The following RBFOX1 variants were observed in gnomAD, a reference collection of about 807,000 sequenced individuals.
The protein encoded by RBFOX1 is RNA binding protein fox-1 homolog 1.
Under a neutral mutation model 57.7 loss-of-function variants are expected in RBFOX1, and 8 were observed. That is an observed-to-expected ratio of 0.14 (90% CI 0.08 to 0.25). The LOEUF (loss-of-function observed/expected upper bound fraction) is 0.25. Ranked by LOEUF, RBFOX1 falls within the 10% of genes least tolerant of loss-of-function variation. The pLI, the probability that RBFOX1 is intolerant of heterozygous loss-of-function variation, is 1.00. For missense variants in RBFOX1, 611 were observed against 548.5 expected, an observed-to-expected ratio of 1.11 and a Z score of -1.14; for synonymous variants, 326 against 222.4, an observed-to-expected ratio of 1.47 and a Z score of -4.15.
intron 3 of RBFOX1, among the ~76,000 whole-genome samples, chr16:7,022,920 C>T (rs192090386): frequency 5.1e-4 from 77 of 152,312 alleles, no homozygotes; most frequent in Non-Finnish European, 8.7e-4. Context: ...CATTGTCTCA[C>T]TCTTGAGTCT....
intron 1 of RBFOX1, among the ~76,000 whole-genome samples, chr16:5,356,406 TC>T (rs2065390583): frequency 6.6e-6 from 1 of 152,218 alleles, no homozygotes; most frequent in African/African-American, 2.4e-5. Flanking sequence ...GACTAAACTT[TC>T]TTCGTGACTC....
intron 4 of RBFOX1, among the ~76,000 whole-genome samples, chr16:5,898,105 CCTT>C (rs1478580419): frequency 6.6e-6 from 1 of 152,084 alleles, no homozygotes; most frequent in Non-Finnish European, 1.5e-5. Flanking sequence ...GCAAACCTGT[CCTT>C]CTTCACATGA....
At chr16:5,455,901 G>C (rs2068616748) in intron 1 of RBFOX1, among the ~76,000 whole-genome samples, 1 of 152,032 alleles carries the variant, frequency 6.6e-6, no homozygotes, top group Non-Finnish European at 1.5e-5. Context: ...TTCACGTTGG[G>C]GTGGCAATTC....
At chr16:5,610,060 T>A (rs11644106) in intron 3 of RBFOX1, among the ~76,000 whole-genome samples, 101,892 of 152,012 alleles carry the variant, frequency 0.67, 38,618 homozygotes, top group Non-Finnish European at 0.86. Flanking sequence ...AGCACCACCC[T>A]CTGACATCCA....
At chr16:7,015,560 G>C (rs2093869408) in intron 3 of RBFOX1, among the ~76,000 whole-genome samples, 2 of 152,172 alleles carry the variant, frequency 1.3e-5, no homozygotes, top group Non-Finnish European at 2.9e-5. Context: ...GCTTTGGATA[G>C]AAGGTTGTTC....
chr16:6,792,749 G>A (rs1191501919), intron 3 of RBFOX1, among the ~76,000 whole-genome samples: 2 of 152,122 alleles, frequency 1.3e-5, no homozygotes, highest in African/African-American at 4.8e-5. Context: ...TAGAAGTGAT[G>A]GGCCGGCATG....
intron 3 of RBFOX1, among the ~76,000 whole-genome samples, chr16:5,620,345 A>G (rs907334054): frequency 2.0e-5 from 3 of 152,038 alleles, no homozygotes; most frequent in African/African-American, 4.8e-5. Context: ...GAGACATCAC[A>G]TTGTTGCCTC....
At chr16:6,658,107 A>T (rs1293087197) in intron 3 of RBFOX1, among the ~76,000 whole-genome samples, 1 of 152,108 alleles carries the variant, frequency 6.6e-6, no homozygotes, top group South Asian at 2.1e-4. Flanking sequence ...GGCCTCTCCA[A>T]ATTGTGCCTC....
intron 3 of RBFOX1, among the ~76,000 whole-genome samples, chr16:6,922,142 C>A (rs930064171): frequency 6.6e-6 from 1 of 152,080 alleles, no homozygotes; most frequent in African/African-American, 2.4e-5. Context: ...TTCAGGAGCA[C>A]CTTACACACA....
rs540980653 is a variant in RBFOX1, at chr16:6,229,144, T to A, written c.-126-87851T>A. 2.0e-5 allele frequency among the ~76,000 whole-genome samples: 3 copies of A among 152,214 alleles called. No individual in the cohort carries two copies. In the East Asian group the frequency reaches 5.8e-4, roughly 29 times the overall value. On this transcript the variant is annotated intron_variant, in intron 1 of 15. Coordinates refer to ENST00000550418, the MANE Select transcript of RBFOX1 (RefSeq NM_018723.4). The stretch of plus-strand genomic sequence containing the variant: ...TGAGACGTAGTTAAGATAAATGACA[T>A]CTCCTTACCTTTTACCCCCCGAGAC...
rs185302577 is a variant in RBFOX1 at position 5,842,850 on chromosome 16, G to A, written c.319-24453G>A. On this transcript the variant is annotated intron_variant, in intron 3 of 19. Coordinates refer to the RBFOX1 transcript ENST00000641259. ...TTTATTTATTTTGAGACAGACTCTCGCACTGTCGCCTGGACTAGAGTGCAG... is the reference window on the plus strand; with the variant it reads ...TTTATTTATTTTGAGACAGACTCTCACACTGTCGCCTGGACTAGAGTGCAG... 5.4e-4 allele frequency among the ~76,000 whole-genome samples: 82 copies of A among 151,814 alleles called. 1 individual carries two copies. The highest frequency in any genetic ancestry group is 3.4e-3 in the Middle Eastern group (1 of 294).
chr16:7,130,816 A>G (rs1178973653), intron 4 of RBFOX1, among the ~76,000 whole-genome samples: 1 of 152,194 alleles, frequency 6.6e-6, no homozygotes, highest in African/African-American at 2.4e-5. Context: ...TGAGTGGGGA[A>G]CAAGAACACT....
At chr16:6,853,796 C>G (rs1024157039) in intron 3 of RBFOX1, among the ~76,000 whole-genome samples, 1 of 152,110 alleles carries the variant, frequency 6.6e-6, no homozygotes, top group African/African-American at 2.4e-5. Context: ...GAAGAAACCA[C>G]CGAGGGGTAA....
intron 1 of RBFOX1, among the ~76,000 whole-genome samples, chr16:6,251,308 G>T (rs1301352968): frequency 2.0e-5 from 3 of 152,076 alleles, no homozygotes; most frequent in Non-Finnish European, 4.4e-5. Flanking sequence ...ATATTAAACT[G>T]GGGGGAAGCC....
At chr16:5,402,684 G>C (rs2066748126) in intron 1 of RBFOX1, among the ~76,000 whole-genome samples, 1 of 152,064 alleles carries the variant, frequency 6.6e-6, no homozygotes, top group African/African-American at 2.4e-5. Flanking sequence ...ACTTGCTGCT[G>C]CAAGTTTTGA....
rs1344331823 is a variant in RBFOX1 at position 5,946,554 on chromosome 16, T to C, written c.351+79219T>C. ...TTCCCCGTATCTCACTCTATGCATA[T>C]TTTTTTCCAACTGGGTGTTCCTGAG... On this transcript the variant is annotated intron_variant, in intron 4 of 19. Transcript: ENST00000641259. The surrounding 1 kb of genome is among the most constrained non-coding windows in gnomAD (Gnocchi z 4.6). 1.4e-5 allele frequency among the ~76,000 whole-genome samples: 1 copy of C among 69,584 alleles called. No homozygotes were observed. The highest frequency in any genetic ancestry group is 4.3e-5 in the Non-Finnish European group (1 of 23,100). 45.6% of individuals were successfully genotyped at this position (69,584 alleles called of 152,430 possible). A position where few individuals can be genotyped will look rare whatever the true frequency, so the allele number is the denominator to read the frequency against.
chr16:7,459,294 C>T (rs1459147237), intron 4 of RBFOX1, among the ~76,000 whole-genome samples: 2 of 152,208 alleles, frequency 1.3e-5, no homozygotes, highest in African/African-American at 4.8e-5. Flanking sequence ...TTTTGAGACA[C>T]ACTTTCTGGA....
At chr16:7,020,047 A>T (rs2094128205) in intron 3 of RBFOX1, among the ~76,000 whole-genome samples, 1 of 149,670 alleles carries the variant, frequency 6.7e-6, no homozygotes, top group Non-Finnish European at 1.5e-5. Flanking sequence ...TTTCTAGATC[A>T]GCTTAGGTGA....
rs1221973190 is a variant in RBFOX1 at position 6,127,362 on chromosome 16, AT to A, written c.-127+107379del. On this transcript the variant is annotated intron_variant, in intron 1 of 15. Coordinates refer to ENST00000550418, the MANE Select transcript of RBFOX1 (RefSeq NM_018723.4). ...TCAAGCACCTGCTCTAGTTCCCATTATTTTTTTTTAAAAATTGCTCTCTGTT... is the reference window on the plus strand; with the variant it reads ...TCAAGCACCTGCTCTAGTTCCCATTATTTTTTTTAAAAATTGCTCTCTGTT... Among the ~76,000 whole-genome samples, 11 of 150,198 alleles carry A rather than the reference AT, an allele frequency of 7.3e-5. No individual in the cohort carries two copies. The East Asian group carries it at 1.6e-3, about 21-fold the overall frequency.
Sources: gnomAD v4.1 joint callset for allele counts (sites outside exome capture counted in the v4.1 genomes callset) on GRCh38, gnomAD v4.1.1 for gene constraint, Gnocchi (gnomAD v3.1) non-coding constraint, MANE v1.5 for transcripts, NCBI Gene and HGNC (gene_info 2026-07-23, HGNC 2026-07-21) for gene names.